The following CDK14 variants were observed in gnomAD, a reference collection of about 807,000 sequenced individuals.
CDK14 encodes the protein cyclin dependent kinase 14.
In CDK14, 34 loss-of-function variants were observed where a neutral mutation model predicts 60.7. The ratio of observed to expected loss-of-function variants is 0.56; its 90% CI spans 0.43 to 0.75. The LOEUF (loss-of-function observed/expected upper bound fraction) is 0.75, where lower values mean the gene tolerates loss of function less well. Ranked by LOEUF, CDK14 falls within the 30% of genes least tolerant of loss-of-function variation. The probability of loss-of-function intolerance (pLI) is 0.00; values close to 1 mark genes in which losing one functional copy is unlikely to be tolerated. For missense variants in CDK14, 482 were observed against 564.1 expected (o/e 0.85, Z 1.47); for synonymous variants, 197 against 203.7 (o/e 0.97, Z 0.28).
rs529767694 is a variant in CDK14, at chr7:90,744,715, C to T, written c.370-2966C>T. On this transcript the variant is annotated intron_variant, in intron 3 of 14. Coordinates refer to ENST00000380050, the MANE Select transcript of CDK14 (RefSeq NM_001287135.2). ...CTCCTCACTTCCCAGTAGGGGCGGC[C>T]GGGCAGAGGCGCCCCTCACCTCCCG... Among the ~76,000 whole-genome samples the T allele has an allele frequency of 3.9e-5, 4 of 102,890 alleles. 1 individual carries two copies. Among genetic ancestry groups the T allele is most frequent in the African/African-American group, 7.4e-5 (2 of 26,918 alleles). The allele number at this position is 102,890 out of a possible 152,430, so 67.5% of individuals were successfully genotyped here.
At chr7:90,600,929 CGACT>C (rs1799301909) in intron 1 of CDK14, among the ~76,000 whole-genome samples, 1 of 152,176 alleles carries the variant, frequency 6.6e-6, no homozygotes, top group Non-Finnish European at 1.5e-5. Context: ...ACAGTCAGAT[CGACT>C]GACTAATGTG....
intron 5 of CDK14, among the ~76,000 whole-genome samples, chr7:90,819,337 T>C (rs1018409680): frequency 6.6e-6 from 1 of 152,190 alleles, no homozygotes; most frequent in African/African-American, 2.4e-5. Flanking sequence ...CTAGCAAGTG[T>C]TCTTTAATGC....
intron 3 of CDK14, among the ~76,000 whole-genome samples, chr7:90,727,948 G>T (rs189942011): frequency 6.6e-6 from 1 of 151,986 alleles, no homozygotes; most frequent in African/African-American, 2.4e-5. Flanking sequence ...GTACATCCTC[G>T]CAGTAGCTTC....
At chr7:90,992,007 CA>C (rs1795552992) in intron 10 of CDK14, among the ~76,000 whole-genome samples, 1 of 152,244 alleles carries the variant, frequency 6.6e-6, no homozygotes, top group Non-Finnish European at 1.5e-5. Context: ...GAAAAGTGTT[CA>C]GAAGAGATCC....
chr7:91,125,537 C>A (rs1012459717), intron 14 of CDK14, among the ~76,000 whole-genome samples: 11 of 151,190 alleles, frequency 7.3e-5, no homozygotes, highest in Non-Finnish European at 1.5e-4. Flanking sequence ...CCAACGCATG[C>A]ACACACACAC....
chr7:91,053,569 C>T (rs1036845691), intron 11 of CDK14, among the ~76,000 whole-genome samples: 1 of 152,210 alleles, frequency 6.6e-6, no homozygotes, highest in Non-Finnish European at 1.5e-5. Context: ...TAAACCTATG[C>T]CTCCAATAAA....
At chr7:90,605,239 T>C (rs1799393580) in intron 2 of CDK14, among the ~76,000 whole-genome samples, 1 of 152,226 alleles carries the variant, frequency 6.6e-6, no homozygotes, top group Non-Finnish European at 1.5e-5. Context: ...AGAGAGAACC[T>C]GCTCCAGGCT....
At chr7:90,803,673 G>A (rs751221075) in intron 5 of CDK14, among the ~76,000 whole-genome samples, 1 of 152,194 alleles carries the variant, frequency 6.6e-6, no homozygotes, top group East Asian at 1.9e-4. Flanking sequence ...TGACATGGTG[G>A]TGCAGTTTAG....
chr7:90,981,084 T>A (rs1188827805), intron 9 of CDK14, among the ~76,000 whole-genome samples: 1 of 152,124 alleles, frequency 6.6e-6, no homozygotes, highest in Non-Finnish European at 1.5e-5. Flanking sequence ...GAGGATACAC[T>A]GAGTGTAAAA....
chr7:91,093,268 C>T (rs779213743), intron 12 of CDK14, among the ~76,000 whole-genome samples: 31 of 152,096 alleles, frequency 2.0e-4, no homozygotes, highest in Non-Finnish European at 4.1e-4. Context: ...TGCACTGTTG[C>T]GTTGATCAAT....
intron 12 of CDK14, among the ~76,000 whole-genome samples, chr7:91,111,683 T>C (rs2116350140): frequency 6.6e-6 from 1 of 152,144 alleles, no homozygotes; most frequent in South Asian, 2.1e-4. Flanking sequence ...TAAATACGAG[T>C]GTTAAAAGTG....
intron 9 of CDK14, among the ~76,000 whole-genome samples, chr7:90,959,016 C>T (rs772375232): frequency 1.3e-5 from 2 of 152,120 alleles, no homozygotes; most frequent in Non-Finnish European, 2.9e-5. Flanking sequence ...CCAGCGTGTG[C>T]TACTTTTTCT....
intron 3 of CDK14, among the ~76,000 whole-genome samples, chr7:90,735,272 C>G (rs956038364): frequency 3.9e-5 from 6 of 152,210 alleles, no homozygotes; most frequent in African/African-American, 1.4e-4. Context: ...GTCTCCCAGT[C>G]AGGATACATG....
intron 14 of CDK14, among the ~76,000 whole-genome samples, chr7:91,137,609 G>T (rs1466863827): frequency 6.6e-6 from 1 of 151,940 alleles, no homozygotes; most frequent in Non-Finnish European, 1.5e-5. Context: ...TTAACTACAT[G>T]CACTGTGCAC....
intron 13 of CDK14, among the ~76,000 whole-genome samples, 157 bp downstream of exon 13, chr7:91,112,838 TG>T (rs1299282119): frequency 2.0e-5 from 3 of 149,294 alleles, no homozygotes; most frequent in African/African-American, 7.3e-5. Context: ...TGTGTGTGTG[TG>T]TGTGTGTATG....
chr7:90,641,305 C>T (rs149803745), intron 2 of CDK14, among the ~76,000 whole-genome samples: 27 of 151,986 alleles, frequency 1.8e-4, no homozygotes, highest in African/African-American at 5.3e-4. Flanking sequence ...GAAAACGTGT[C>T]GACACAGAAA....
intron 7 of CDK14, among the ~76,000 whole-genome samples, chr7:90,909,093 G>A (rs1011559690): frequency 3.3e-5 from 5 of 152,078 alleles, no homozygotes; most frequent in Non-Finnish European, 7.4e-5. Flanking sequence ...CCCTGTAGTT[G>A]GGAGAGAGTA....
At chr7:90,836,552 C>T (rs1311464060) in intron 5 of CDK14, among the ~76,000 whole-genome samples, 3 of 152,110 alleles carry the variant, frequency 2.0e-5, no homozygotes, top group East Asian at 1.9e-4. Flanking sequence ...TCTAGAATAC[C>T]TCCCGAAGAA....
Position 91,207,579 on chromosome 7 carries a change from C to T in CDK14, c.*443C>T, listed in dbSNP as rs1201552744. ...TTGAAAGCCACAGAGTGGCATAAAA[C>T]AATGTGTGTTTTCTTTGAGAGCAGT... On this transcript the variant is annotated 3_prime_UTR_variant, in exon 15 of 15. Coordinates refer to ENST00000380050, the MANE Select transcript of CDK14 (RefSeq NM_001287135.2). 2.0e-5 allele frequency: 3 copies of T among 152,638 alleles called. No individual in the cohort carries two copies. In the East Asian group the frequency reaches 5.8e-4, roughly 29 times the overall value. 9.5% of individuals were successfully genotyped at this position (152,638 alleles called of 1,614,324 possible).
Sources: allele counts gnomAD v4.1 joint callset (sites outside exome capture counted in the v4.1 genomes callset), GRCh38; gene constraint gnomAD v4.1.1; transcripts MANE v1.5; gene names NCBI Gene and HGNC (gene_info 2026-07-23, HGNC 2026-07-21).